AFF3: variants seen among roughly 807,000 people sequenced by gnomAD.
AFF3 encodes the protein ALF transcription elongation factor 3.
A neutral mutation model predicts 129.7 loss-of-function variants in AFF3; 32 were observed. The observed-to-expected ratio is 0.25, with a 90% CI of 0.19 to 0.33. The LOEUF (loss-of-function observed/expected upper bound fraction) is 0.33. Among genes scored for constraint, AFF3 ranks in the 10% least tolerant of loss-of-function variants. The pLI, the probability that AFF3 is intolerant of heterozygous loss-of-function variation, is 1.00. For missense variants in AFF3, 1,373 were observed against 1,592.0 expected (o/e 0.86, Z 2.34); for synonymous variants, 644 against 635.4 (o/e 1.01, Z -0.20).
intron 11 of AFF3, among the ~76,000 whole-genome samples, chr2:99,694,325 G>A (rs943300751): frequency 2.0e-5 from 3 of 152,142 alleles, no homozygotes; most frequent in Admixed American, 6.6e-5. Context: ...GGGCACTCTT[G>A]ACCCACTAGC....
intron 7 of AFF3, among the ~76,000 whole-genome samples, chr2:99,991,908 C>A (rs10164818): frequency 0.2 from 29,366 of 148,340 alleles, 3,614 homozygotes; most frequent in African/African-American, 0.34. Context: ...GTCTCAAAAA[C>A]AAAAACAAAA....
At chr2:99,707,684 T>C in intron 11 of AFF3, 2 of 977,184 alleles carry the variant, frequency 2.0e-6, no homozygotes, top group Non-Finnish European at 2.4e-6. Context: ...ATTTAGATGT[T>C]AATAGGATGC....
chr2:100,019,389 AACCG>A (rs1441116180), intron 4 of AFF3, among the ~76,000 whole-genome samples: 1 of 152,214 alleles, frequency 6.6e-6, no homozygotes, highest in African/African-American at 2.4e-5. Context: ...AGATAAATGG[AACCG>A]ACTTTTCAAA....
intron 8 of AFF3, among the ~76,000 whole-genome samples, chr2:99,833,381 C>G (rs1367048147): frequency 6.6e-6 from 1 of 152,194 alleles, no homozygotes; most frequent in African/African-American, 2.4e-5. Context: ...TTCAGATAAA[C>G]AGAAAATGCA....
intron 4 of AFF3, among the ~76,000 whole-genome samples, chr2:100,040,839 G>A (rs1281981992): frequency 6.6e-6 from 1 of 152,210 alleles, no homozygotes; most frequent in Non-Finnish European, 1.5e-5. Context: ...TCTTTTAGAG[G>A]AGACAGCCCC....
At chr2:99,932,453 T>C (rs911072241) in intron 7 of AFF3, among the ~76,000 whole-genome samples, 2 of 152,156 alleles carry the variant, frequency 1.3e-5, no homozygotes, top group Non-Finnish European at 2.9e-5. Flanking sequence ...CTCTAGTTAT[T>C]TGGGTAACAG....
intron 10 of AFF3, among the ~76,000 whole-genome samples, chr2:99,735,596 G>A (rs1209871479): frequency 6.6e-6 from 1 of 151,974 alleles, no homozygotes; most frequent in African/African-American, 2.4e-5. Context: ...AGGCTCAAGC[G>A]ATTCTCCTGC....
intron 17 of AFF3, among the ~76,000 whole-genome samples, chr2:99,580,303 G>A (rs544613383): frequency 6.6e-6 from 1 of 152,180 alleles, no homozygotes; most frequent in South Asian, 2.1e-4. Context: ...AAGTTTTACT[G>A]TAAACCAATC....
chr2:99,687,440 T>C (rs1675175990), intron 11 of AFF3, among the ~76,000 whole-genome samples: 2 of 151,762 alleles, frequency 1.3e-5, no homozygotes, highest in Non-Finnish European at 2.9e-5. Flanking sequence ...AGGTGGGTAA[T>C]GGGAGTGAGT....
intron 7 of AFF3, among the ~76,000 whole-genome samples, chr2:99,858,907 T>A (rs2105905095): frequency 6.6e-6 from 1 of 152,298 alleles, no homozygotes; most frequent in Non-Finnish European, 1.5e-5. Flanking sequence ...AAAAGTTAAA[T>A]AAAAAAGAAA....
intron 20 of AFF3, among the ~76,000 whole-genome samples, chr2:99,560,852 C>A (rs1457059789): frequency 6.6e-6 from 1 of 152,194 alleles, no homozygotes; most frequent in East Asian, 1.9e-4. Context: ...CAGAGGAATG[C>A]TTAGATTTAC....
intron 18 of AFF3, among the ~76,000 whole-genome samples, chr2:99,571,331 C>A (rs1165007227): frequency 6.6e-6 from 1 of 152,048 alleles, no homozygotes; most frequent in Non-Finnish European, 1.5e-5. Flanking sequence ...TAACAGTTCA[C>A]TACTTCAAAT....
At chr2:100,078,939 A>ATT (rs1281462792) in intron 4 of AFF3, among the ~76,000 whole-genome samples, 3 of 126,170 alleles carry the variant, frequency 2.4e-5, no homozygotes, top group Non-Finnish European at 5.2e-5. Context: ...TTTGCTGAAT[A>ATT]TTTTCTTTTT....
At chr2:99,768,610 T>C (rs1683210467) in intron 8 of AFF3, among the ~76,000 whole-genome samples, 1 of 152,254 alleles carries the variant, frequency 6.6e-6, no homozygotes, top group African/African-American at 2.4e-5. Flanking sequence ...CTTCAGTTGA[T>C]TTCTGGCTCA....
At chr2:99,616,355 A>G (rs1420964989) in intron 13 of AFF3, among the ~76,000 whole-genome samples, 1 of 152,160 alleles carries the variant, frequency 6.6e-6, no homozygotes, top group East Asian at 1.9e-4. Context: ...TTTTTTTTAA[A>G]AACATCTTTA....
intron 7 of AFF3, among the ~76,000 whole-genome samples, chr2:99,863,715 G>A (rs191419902): frequency 8.5e-4 from 130 of 152,236 alleles, no homozygotes; most frequent in Non-Finnish European, 1.3e-3. Context: ...GGCTAAGTGC[G>A]GCAAGAATGC....
intron 18 of AFF3, among the ~76,000 whole-genome samples, chr2:99,577,164 C>T (rs1677076551): frequency 6.6e-6 from 1 of 152,208 alleles, no homozygotes; most frequent in Admixed American, 6.5e-5. Context: ...ACCCTGTGCC[C>T]TAATTAGCTT....
At chr2:99,710,865 C>T (rs190095851) in intron 11 of AFF3, among the ~76,000 whole-genome samples, 129 of 152,330 alleles carry the variant, frequency 8.5e-4, no homozygotes, top group Non-Finnish European at 1.5e-3. Flanking sequence ...CTAAAATACA[C>T]TCTGCCAACA....
intron 21 of AFF3, 94 bp from the exon 22 acceptor site, chr2:99,559,062 A>G (rs1675225841): frequency 1.9e-6 from 2 of 1,051,470 alleles, no homozygotes; most frequent in Admixed American, 3.9e-5. Context: ...AAGGTACTCA[A>G]TAACAATACC....
Sources: gnomAD v4.1 joint callset for allele counts (sites outside exome capture counted in the v4.1 genomes callset) on GRCh38, gnomAD v4.1.1 for gene constraint, MANE v1.5 for transcripts, NCBI Gene and HGNC (gene_info 2026-07-23, HGNC 2026-07-21) for gene names.